The following PRKCB variants were observed in gnomAD, a reference collection of about 807,000 sequenced individuals.
The protein encoded by PRKCB is protein kinase C beta.
Under a neutral mutation model 81.5 loss-of-function variants are expected in PRKCB, and 13 were observed. The ratio of observed to expected loss-of-function variants is 0.16; its 90% CI spans 0.10 to 0.25. The LOEUF is 0.25. Among genes scored for constraint, PRKCB ranks in the 10% least tolerant of loss-of-function variants. The probability of loss-of-function intolerance (pLI) is 1.00; values close to 1 mark genes in which losing one functional copy is unlikely to be tolerated. For missense variants in PRKCB, 509 were observed against 875.7 expected (o/e 0.58, Z 5.29); for synonymous variants, 335 against 321.4 (o/e 1.04, Z -0.45).
chr16:24,070,436 G>C (rs1024101261), intron 5 of PRKCB, among the ~76,000 whole-genome samples: 2 of 152,066 alleles, frequency 1.3e-5, no homozygotes, highest in Non-Finnish European at 2.9e-5. Context: ...GGCATGAGCC[G>C]TTGCGCCCGG....
chr16:23,991,352 C>T (rs1964883569), intron 3 of PRKCB, among the ~76,000 whole-genome samples: 1 of 152,178 alleles, frequency 6.6e-6, no homozygotes, highest in Non-Finnish European at 1.5e-5. Flanking sequence ...GACTGTTTGT[C>T]ATGTTCTCTC....
At chr16:23,859,023 T>C (rs1962619767) in intron 2 of PRKCB, among the ~76,000 whole-genome samples, 1 of 152,104 alleles carries the variant, frequency 6.6e-6, no homozygotes, top group African/African-American at 2.4e-5. Flanking sequence ...CACAGCTACT[T>C]AGGAGGCTGA....
intron 2 of PRKCB, among the ~76,000 whole-genome samples, chr16:23,959,582 T>G (rs1964396317): frequency 6.6e-6 from 1 of 152,174 alleles, no homozygotes; most frequent in African/African-American, 2.4e-5. Context: ...TGCACAGAAA[T>G]AGATACAAAC....
At chr16:23,844,847 G>T (rs1962339245) in intron 2 of PRKCB, among the ~76,000 whole-genome samples, 1 of 150,962 alleles carries the variant, frequency 6.6e-6, no homozygotes, top group African/African-American at 2.4e-5. Context: ...TTTCGCCCAG[G>T]CTGGAGTGCA....
intron 2 of PRKCB, among the ~76,000 whole-genome samples, chr16:23,839,798 A>G (rs1400432367): frequency 1.3e-5 from 2 of 152,144 alleles, no homozygotes; most frequent in African/African-American, 2.4e-5. Context: ...AGCAGCTCCA[A>G]CTCATTGCAA....
intron 3 of PRKCB, among the ~76,000 whole-genome samples, chr16:24,016,624 A>G (rs1251150153): frequency 6.6e-6 from 1 of 152,232 alleles, no homozygotes; most frequent in Non-Finnish European, 1.5e-5. Context: ...AAATAGCAAT[A>G]AAGAGGTAAA....
chr16:23,925,322 C>A (rs1164206541), intron 2 of PRKCB, among the ~76,000 whole-genome samples: 2 of 152,146 alleles, frequency 1.3e-5, no homozygotes, highest in African/African-American at 4.8e-5. Context: ...ACTCCTCTCT[C>A]CCTTTTCATT....
chr16:23,928,128 T>C (rs1464205847), intron 2 of PRKCB, among the ~76,000 whole-genome samples: 1 of 151,988 alleles, frequency 6.6e-6, no homozygotes, highest in South Asian at 2.1e-4. Context: ...GTTTATTTTT[T>C]ATTTTTATTT....
intron 9 of PRKCB, among the ~76,000 whole-genome samples, chr16:24,143,530 G>T (rs1966937790): frequency 6.6e-6 from 1 of 152,112 alleles, no homozygotes; most frequent in African/African-American, 2.4e-5. Context: ...TCCCTAGCAG[G>T]GATGGGAGAG....
intron 2 of PRKCB, among the ~76,000 whole-genome samples, chr16:23,946,315 C>T (rs1964203482): frequency 6.6e-6 from 1 of 152,098 alleles, no homozygotes; most frequent in Admixed American, 6.5e-5. Context: ...AAGAGACCAC[C>T]CAAAGAATGA....
At chr16:24,156,923 G>T (rs1027300847) in intron 10 of PRKCB, among the ~76,000 whole-genome samples, 1 of 152,234 alleles carries the variant, frequency 6.6e-6, no homozygotes. Context: ...CTTGTGCCCA[G>T]CATAGAGGCT....
chr16:24,012,674 C>CT (rs2141838526), intron 3 of PRKCB, among the ~76,000 whole-genome samples: 1 of 152,380 alleles, frequency 6.6e-6, no homozygotes, highest in East Asian at 1.9e-4. Flanking sequence ...CTCTGCCAAG[C>CT]TTGCCTATAA....
At chr16:24,031,431 TTTC>T (rs1965550242) in intron 3 of PRKCB, among the ~76,000 whole-genome samples, 1 of 152,170 alleles carries the variant, frequency 6.6e-6, no homozygotes, top group Non-Finnish European at 1.5e-5. Context: ...GAAGTATGCA[TTTC>T]CATTTGAAGG....
intron 5 of PRKCB, among the ~76,000 whole-genome samples, chr16:24,074,076 A>C (rs1209419190): frequency 6.6e-6 from 1 of 151,744 alleles, no homozygotes; most frequent in Non-Finnish European, 1.5e-5. Context: ...TGGAGCTTGC[A>C]GTGAGCCGAG....
chr16:24,001,524 T>G (rs1965034315), intron 3 of PRKCB, among the ~76,000 whole-genome samples: 1 of 152,228 alleles, frequency 6.6e-6, no homozygotes, highest in Non-Finnish European at 1.5e-5. Context: ...TTAAAGTATG[T>G]AAATAAGTGA....
At chr16:23,836,931 C>A (rs981235531) in intron 1 of PRKCB, among the ~76,000 whole-genome samples, 3 of 151,976 alleles carry the variant, frequency 2.0e-5, no homozygotes, top group Non-Finnish European at 4.4e-5. Flanking sequence ...CACTGCGGGC[C>A]CCTTTCTTCC....
chr16:23,936,791 T>C (rs1206064895), intron 2 of PRKCB, among the ~76,000 whole-genome samples: 2 of 152,096 alleles, frequency 1.3e-5, no homozygotes, highest in Non-Finnish European at 2.9e-5. Context: ...AGGGATGGAC[T>C]TTAGGTGATT....
At chr16:24,207,122 G>A (rs1285134752) in intron 16 of PRKCB, among the ~76,000 whole-genome samples, 2 of 152,184 alleles carry the variant, frequency 1.3e-5, no homozygotes, top group Non-Finnish European at 2.9e-5. Flanking sequence ...TAGAGACAGG[G>A]TCTTGCTATG....
chr16:24,056,940 T>G (rs1965908973), intron 5 of PRKCB, among the ~76,000 whole-genome samples: 1 of 152,234 alleles, frequency 6.6e-6, no homozygotes, highest in East Asian at 1.9e-4. Flanking sequence ...CTTGGGCCCG[T>G]GGTGCATGCA....
Sources: allele counts gnomAD v4.1 joint callset (sites outside exome capture counted in the v4.1 genomes callset), GRCh38; gene constraint gnomAD v4.1.1; transcripts MANE v1.5; gene names NCBI Gene and HGNC (gene_info 2026-07-23, HGNC 2026-07-21).